SLC2A9: variants seen among roughly 807,000 people sequenced by gnomAD.
SLC2A9 encodes solute carrier family 2, facilitated glucose transporter member 9.
Under a neutral mutation model 50.6 loss-of-function variants are expected in SLC2A9, and 39 were observed. That is an observed-to-expected ratio of 0.77 (90% confidence interval 0.60 to 1.01). SLC2A9 has a LOEUF of 1.01. Ranked by LOEUF, SLC2A9 falls within the 50% of genes least tolerant of loss-of-function variation. The pLI is 0.00. For synonymous variants in SLC2A9, 324 were observed against 276.9 expected (o/e 1.17, Z -1.69); for missense variants, 686 against 677.6 (o/e 1.01, Z -0.14).
chr4:9,997,657 G>A (rs557030992), intron 2 of SLC2A9, among the ~76,000 whole-genome samples: 35 of 152,008 alleles, frequency 2.3e-4, no homozygotes, highest in African/African-American at 7.7e-4. Context: ...CCAAGATTGC[G>A]CCATTGCACT....
At chr4:9,881,033 G>T (rs531802100) in intron 10 of SLC2A9, among the ~76,000 whole-genome samples, 1 of 152,328 alleles carries the variant, frequency 6.6e-6, no homozygotes, top group South Asian at 2.1e-4. Context: ...CTTATCTCCT[G>T]ACTCCTCCTC....
chr4:9,823,455 T>C (rs887696067), downstream of SLC2A9, among the ~76,000 whole-genome samples: 1 of 152,188 alleles, frequency 6.6e-6, no homozygotes, highest in Non-Finnish European at 1.5e-5. Flanking sequence ...ACATGTATTT[T>C]ATTTCATTGA....
At chr4:10,006,975 G>A (rs947337994) in intron 2 of SLC2A9, among the ~76,000 whole-genome samples, 5 of 151,824 alleles carry the variant, frequency 3.3e-5, no homozygotes, top group Admixed American at 2.0e-4. Flanking sequence ...TCGTTGCTGT[G>A]GGGATGAAGC....
chr4:10,036,874 G>T (rs902077475), intron 1 of SLC2A9, among the ~76,000 whole-genome samples: 2 of 152,200 alleles, frequency 1.3e-5, no homozygotes, highest in African/African-American at 4.8e-5. Flanking sequence ...ATTCTAGTCC[G>T]GGATTTCCAC....
At chr4:9,842,167 G>T (rs1728182260) in intron 10 of SLC2A9, among the ~76,000 whole-genome samples, 1 of 151,838 alleles carries the variant, frequency 6.6e-6, no homozygotes, top group Non-Finnish European at 1.5e-5. Context: ...CATTTTCTTA[G>T]GTATTTGCAG....
intron 10 of SLC2A9, among the ~76,000 whole-genome samples, chr4:9,882,531 A>AC (rs1303344948): frequency 2.6e-5 from 4 of 151,916 alleles, no homozygotes; most frequent in Non-Finnish European, 5.9e-5. Context: ...ACACAGTGAA[A>AC]CCCCATCTCT....
chr4:9,816,197 A>AAAT (rs1414450563), intron 3 of SLC2A9, among the ~76,000 whole-genome samples: 1 of 151,920 alleles, frequency 6.6e-6, no homozygotes, highest in Admixed American at 6.6e-5. Context: ...ATAAATAAAT[A>AAAT]AATAGAATTT....
intron 7 of SLC2A9, among the ~76,000 whole-genome samples, chr4:9,916,535 A>T (rs150266109): frequency 0.018 from 2,704 of 152,286 alleles, 30 homozygotes; most frequent in Middle Eastern, 0.054. Context: ...GGTTGGGAGG[A>T]GATTCATGCA....
At chr4:9,919,224 C>A (rs1030708673) in intron 7 of SLC2A9, among the ~76,000 whole-genome samples, 1 of 152,178 alleles carries the variant, frequency 6.6e-6, no homozygotes, top group East Asian at 1.9e-4. Context: ...GAAGAGACAA[C>A]AGGACTCTCC....
At chr4:10,020,856 T>C (rs1578377038) in intron 1 of SLC2A9, among the ~76,000 whole-genome samples, 1 of 152,180 alleles carries the variant, frequency 6.6e-6, no homozygotes. Context: ...GCCTCAGCTG[T>C]GCTCCCCGGA....
intron 5 of SLC2A9, among the ~76,000 whole-genome samples, chr4:9,951,992 C>T (rs1275809951): frequency 1.3e-5 from 2 of 152,232 alleles, no homozygotes; most frequent in African/African-American, 4.8e-5. Flanking sequence ...GCTCATAAGA[C>T]TCCCAATGCC....
At chr4:9,786,795 G>T (rs1224917120) in intron 3 of SLC2A9, among the ~76,000 whole-genome samples, 2 of 152,198 alleles carry the variant, frequency 1.3e-5, no homozygotes, top group African/African-American at 4.8e-5. Context: ...TTTGCACCCT[G>T]CACCCCCACA....
upstream of SLC2A9, among the ~76,000 whole-genome samples, chr4:10,023,951 C>T (rs1274627384): frequency 6.6e-6 from 1 of 152,196 alleles, no homozygotes; most frequent in Non-Finnish European, 1.5e-5. Flanking sequence ...CAAACATCCC[C>T]AGATGTTCTG....
chr4:9,804,777 G>T (rs1331738186), intron 3 of SLC2A9, among the ~76,000 whole-genome samples: 4 of 152,234 alleles, frequency 2.6e-5, no homozygotes, highest in Non-Finnish European at 5.9e-5. Flanking sequence ...GAGGTAGTTT[G>T]ATGCGGTTTC....
rs1411013000 is a variant in SLC2A9, at chr4:9,980,835, A to G, written c.536-98T>C. On this transcript the variant is annotated intron_variant, in intron 4 of 11. Transcript: ENST00000264784. ...CTCTTGGCTCTGCTTTGCCCTGGACATTAAATAGCACTGTAGCCACGGCAT... is the reference window on the plus strand; with the variant it reads ...CTCTTGGCTCTGCTTTGCCCTGGACGTTAAATAGCACTGTAGCCACGGCAT... 2.7e-6 allele frequency: 4 copies of G among 1,502,878 alleles called. No homozygotes were observed. In the Admixed American group the frequency reaches 5.2e-5, roughly 20 times the overall value. The allele number at this position is 1,502,878 out of a possible 1,614,324, so 93.1% of individuals were successfully genotyped here.
chr4:9,886,927 T>TA (rs1356818746), intron 10 of SLC2A9, among the ~76,000 whole-genome samples: 2 of 152,216 alleles, frequency 1.3e-5, no homozygotes, highest in Admixed American at 1.3e-4. Context: ...AAGTCTCTCC[T>TA]ACTGACCCAT....
chr4:9,950,997 C>G (rs1750148485), intron 5 of SLC2A9, among the ~76,000 whole-genome samples: 1 of 151,630 alleles, frequency 6.6e-6, no homozygotes, highest in Non-Finnish European at 1.5e-5. Context: ...CTGGGTACTA[C>G]TCAAAGGAAA....
chr4:10,026,467 C>G (rs540137345), upstream of SLC2A9, among the ~76,000 whole-genome samples: 6 of 152,242 alleles, frequency 3.9e-5, no homozygotes, highest in East Asian at 7.7e-4. Context: ...GCTTGTTTCT[C>G]TAAACATAAA....
At chr4:9,823,332 C>T (rs975839887), downstream of SLC2A9, among the ~76,000 whole-genome samples, 7 of 152,152 alleles carry the variant, frequency 4.6e-5, no homozygotes, top group African/African-American at 1.2e-4. Flanking sequence ...GCGGCTGGTA[C>T]CTTTCAGCCA....
Sources: gnomAD v4.1 joint callset for allele counts (sites outside exome capture counted in the v4.1 genomes callset) on GRCh38, gnomAD v4.1.1 for gene constraint, MANE v1.5 for transcripts, NCBI Gene and HGNC (gene_info 2026-07-23, HGNC 2026-07-21) for gene names.